ZC3H12B: variants seen among roughly 807,000 people sequenced by gnomAD.
ZC3H12B encodes the protein probable ribonuclease ZC3H12B.
ZC3H12B carries 7 observed loss-of-function variants against 43.9 expected under a neutral mutation model. The ratio of observed to expected loss-of-function variants is 0.16; its 90% CI spans 0.09 to 0.30. The LOEUF is 0.30. Among genes scored for constraint, ZC3H12B ranks in the 10% least tolerant of loss-of-function variants. The pLI is 1.00. For missense variants in ZC3H12B, 475 were observed against 670.2 expected (o/e 0.71, Z 3.22); for synonymous variants, 222 against 241.7 (o/e 0.92, Z 0.76).
At chrX:65,121,296 G>T in the ZC3H12B span, among the ~76,000 whole-genome samples, 1 of 111,040 alleles carries the variant, frequency 9.0e-6, no homozygotes, top group African/African-American at 3.3e-5. Context: ...TTTTTTGGTT[G>T]GTAAGGTATT....
the ZC3H12B span, among the ~76,000 whole-genome samples, chrX:65,166,795 G>A: frequency 8.9e-6 from 1 of 111,797 alleles, no homozygotes; most frequent in East Asian, 2.8e-4. Context: ...CTGATGGCCA[G>A]TGGTGAGGCT....
chrX:65,393,118 A>C (rs1003292951), intron 2 of ZC3H12B, among the ~76,000 whole-genome samples: 1 of 111,073 alleles, frequency 9.0e-6, no homozygotes, highest in Non-Finnish European at 1.9e-5. Context: ...GCGGAAGGCC[A>C]CAGGGTCCTC....
the ZC3H12B span, among the ~76,000 whole-genome samples, chrX:65,224,671 T>G: frequency 2.5e-4 from 28 of 112,142 alleles, no homozygotes; most frequent in South Asian, 0.01. Context: ...ACTCCCACCC[T>G]GATACTGCAC....
At chrX:65,175,704 G>T in the ZC3H12B span, among the ~76,000 whole-genome samples, 1 of 111,705 alleles carries the variant, frequency 9.0e-6, no homozygotes, top group Admixed American at 9.5e-5. Context: ...GGGACTGGTT[G>T]CACAGTGAGT....
the ZC3H12B span, among the ~76,000 whole-genome samples, chrX:65,289,622 C>A: frequency 9.1e-6 from 1 of 109,392 alleles, no homozygotes; most frequent in Non-Finnish European, 1.9e-5. Flanking sequence ...ACCAAAACAG[C>A]ATGGTATTGG....
the ZC3H12B span, among the ~76,000 whole-genome samples, chrX:65,067,437 C>A: frequency 3.6e-5 from 4 of 110,947 alleles, no homozygotes; most frequent in Non-Finnish European, 7.5e-5. Context: ...ATGTGAGTCC[C>A]TACTCTACTT....
At chrX:65,428,957 G>T (rs749875225) in intron 3 of ZC3H12B, among the ~76,000 whole-genome samples, 2 of 112,359 alleles carry the variant, frequency 1.8e-5, no homozygotes, top group South Asian at 3.7e-4. Flanking sequence ...TGCTGTTGTT[G>T]TTGTTATTTT....
chrX:65,393,354 C>T (rs1209238347), intron 2 of ZC3H12B, among the ~76,000 whole-genome samples: 2 of 111,849 alleles, frequency 1.8e-5, no homozygotes, highest in Non-Finnish European at 3.8e-5. Context: ...CATAGGTATA[C>T]ATGTGCCATG....
chrX:65,212,652 T>C, the ZC3H12B span, among the ~76,000 whole-genome samples: 2 of 86,308 alleles, frequency 2.3e-5, no homozygotes, highest in Non-Finnish European at 4.3e-5. Flanking sequence ...TTATATATCA[T>C]ATATTATATA....
At chrX:65,262,953 T>C in the ZC3H12B span, among the ~76,000 whole-genome samples, 4 of 110,784 alleles carry the variant, frequency 3.6e-5, no homozygotes, top group Non-Finnish European at 7.6e-5. Context: ...GTCTACATAG[T>C]TTGTAAAATA....
At chrX:65,453,252 A>T (rs1252029473) in intron 3 of ZC3H12B, among the ~76,000 whole-genome samples, 1 of 104,523 alleles carries the variant, frequency 9.6e-6, no homozygotes, top group Non-Finnish European at 2.0e-5. Context: ...CTCTATATGT[A>T]TCCAGAGGAA....
At chrX:65,174,301 T>C in the ZC3H12B span, among the ~76,000 whole-genome samples, 1 of 112,485 alleles carries the variant, frequency 8.9e-6, no homozygotes, top group Non-Finnish European at 1.9e-5. Context: ...TCCTTGTTTT[T>C]CAAAAGTGAC....
chrX:65,048,117 T>A, the ZC3H12B span, among the ~76,000 whole-genome samples: 1 of 111,359 alleles, frequency 9.0e-6, no homozygotes, highest in Non-Finnish European at 1.9e-5. Flanking sequence ...TGATTACTTT[T>A]ATGTACCTCC....
At chrX:65,283,456 G>T in the ZC3H12B span, among the ~76,000 whole-genome samples, 1 of 111,872 alleles carries the variant, frequency 8.9e-6, no homozygotes, top group South Asian at 3.7e-4. Context: ...TCAACATAGT[G>T]TTGGAAGTTC....
the ZC3H12B span, among the ~76,000 whole-genome samples, chrX:65,238,137 C>T: frequency 4.5e-5 from 5 of 111,435 alleles, no homozygotes; most frequent in Admixed American, 4.8e-4. Context: ...AGAGTCCCTC[C>T]TCGATTTTTT....
At chrX:65,496,005 C>A (rs1361203015) in intron 1 of ZC3H12B, among the ~76,000 whole-genome samples, 2 of 111,374 alleles carry the variant, frequency 1.8e-5, no homozygotes, top group Non-Finnish European at 3.8e-5. Context: ...TCGCACCCAG[C>A]CAGAAATACT....
the ZC3H12B span, among the ~76,000 whole-genome samples, chrX:65,263,725 A>G: frequency 9.0e-6 from 1 of 111,700 alleles, no homozygotes; most frequent in Non-Finnish European, 1.9e-5. Flanking sequence ...AATGTAAGTT[A>G]GTACAACTTC....
At chrX:65,035,367 T>C in the ZC3H12B span, among the ~76,000 whole-genome samples, 4 of 112,330 alleles carry the variant, frequency 3.6e-5, no homozygotes, top group Non-Finnish European at 7.5e-5. Context: ...TGCAGAAGCT[T>C]CTGACGCCTC....
At chrX:65,488,724 G>C, upstream of ZC3H12B, 1 of 1,070,254 alleles carries the variant, frequency 9.3e-7, no homozygotes, top group Non-Finnish European at 1.2e-6. Context: ...TACTACAAAA[G>C]AATGCCACTG....
Sources: gnomAD v4.1 joint callset for allele counts (sites outside exome capture counted in the v4.1 genomes callset) on GRCh38, gnomAD v4.1.1 for gene constraint, MANE v1.5 for transcripts, NCBI Gene and HGNC (gene_info 2026-07-23, HGNC 2026-07-21) for gene names.